Variants in KCNH5 observed in about 807,000 individuals in gnomAD.
The protein encoded by KCNH5 is voltage-gated delayed rectifier potassium channel KCNH5.
In KCNH5, 46 loss-of-function variants were observed where a neutral mutation model predicts 96.1. That is an observed-to-expected ratio of 0.48 (90% CI 0.38 to 0.61). The LOEUF (loss-of-function observed/expected upper bound fraction) is 0.61. Among genes scored for constraint, KCNH5 ranks in the 20% least tolerant of loss-of-function variants. The probability of loss-of-function intolerance (pLI) is 0.00; values close to 1 mark genes in which losing one functional copy is unlikely to be tolerated. For synonymous variants in KCNH5, 439 were observed against 449.8 expected (o/e 0.98, Z 0.30); for missense variants, 907 against 1,225.8 (o/e 0.74, Z 3.88).
At chr14:62,949,856 C>G in intron 7 of KCNH5, 1 of 214,038 alleles carries the variant, frequency 4.7e-6, no homozygotes, top group East Asian at 1.1e-4. Context: ...ATGGAATGTG[C>G]GAAACGCCAC....
chr14:62,914,169 C>A (rs960098534), intron 7 of KCNH5, among the ~76,000 whole-genome samples: 3 of 152,192 alleles, frequency 2.0e-5, no homozygotes, highest in African/African-American at 7.2e-5. Flanking sequence ...TAACCATATG[C>A]CTTCCACAAA....
intron 7 of KCNH5, among the ~76,000 whole-genome samples, chr14:62,876,711 G>A (rs963990344): frequency 6.6e-6 from 1 of 152,126 alleles, no homozygotes; most frequent in African/African-American, 2.4e-5. Context: ...AGACAACAGG[G>A]TATTGCCATA....
At chr14:62,873,685 A>G (rs577393058) in intron 7 of KCNH5, among the ~76,000 whole-genome samples, 2 of 152,340 alleles carry the variant, frequency 1.3e-5, no homozygotes, top group Non-Finnish European at 2.9e-5. Context: ...ACAATTCCCT[A>G]TCTGTTTATT....
intron 6 of KCNH5, among the ~76,000 whole-genome samples, chr14:62,965,082 G>T (rs1950979): frequency 0.44 from 67,012 of 151,738 alleles, 15,406 homozygotes; most frequent in Non-Finnish European, 0.49. Flanking sequence ...TATATATATA[G>T]AGAGAGAGAG....
At chr14:62,765,182 C>T (rs1203829976) in intron 10 of KCNH5, among the ~76,000 whole-genome samples, 1 of 152,110 alleles carries the variant, frequency 6.6e-6, no homozygotes, top group African/African-American at 2.4e-5. Flanking sequence ...GACACATAGA[C>T]CAATGGAACA....
At chr14:63,013,225 C>T (rs1891262201) in intron 2 of KCNH5, among the ~76,000 whole-genome samples, 1 of 151,992 alleles carries the variant, frequency 6.6e-6, no homozygotes, top group Non-Finnish European at 1.5e-5. Context: ...TAAAACAATT[C>T]ACTTTTGAAC....
chr14:62,976,570 A>G (rs1890504486), intron 6 of KCNH5, among the ~76,000 whole-genome samples: 1 of 152,186 alleles, frequency 6.6e-6, no homozygotes, highest in Non-Finnish European at 1.5e-5. Context: ...GAAAAGGACC[A>G]CCTAGTTAAC....
At chr14:63,015,141 G>A (rs916806852) in intron 2 of KCNH5, among the ~76,000 whole-genome samples, 2 of 152,052 alleles carry the variant, frequency 1.3e-5, no homozygotes, top group Non-Finnish European at 1.5e-5. Flanking sequence ...ATGGCTAGAG[G>A]AGCATAGATT....
At chr14:63,006,632 C>T (rs1891133756) in intron 2 of KCNH5, among the ~76,000 whole-genome samples, 160 bp from the exon 3 acceptor site, 2 of 152,198 alleles carry the variant, frequency 1.3e-5, no homozygotes, top group Non-Finnish European at 2.9e-5. Context: ...TCTTGCTTTA[C>T]ACAGTTCCTG....
chr14:62,990,795 C>T (rs1890794471), intron 4 of KCNH5, among the ~76,000 whole-genome samples: 1 of 152,058 alleles, frequency 6.6e-6, no homozygotes, highest in Admixed American at 6.6e-5. Flanking sequence ...AATTGACTCA[C>T]AGTTACACAT....
intron 2 of KCNH5, among the ~76,000 whole-genome samples, chr14:63,007,536 T>A (rs1470991498): frequency 6.6e-6 from 1 of 152,300 alleles, no homozygotes; most frequent in Non-Finnish European, 1.5e-5. Flanking sequence ...TCTCCCTGCA[T>A]TGATAACCAA....
At chr14:62,922,882 A>C (rs1487591841) in intron 7 of KCNH5, among the ~76,000 whole-genome samples, 1 of 151,944 alleles carries the variant, frequency 6.6e-6, no homozygotes, top group Non-Finnish European at 1.5e-5. Flanking sequence ...TAAGATCAGA[A>C]AAACAAGAAT....
At chr14:63,016,998 A>C (rs1172932142) in intron 1 of KCNH5, 44 bp from the exon 2 acceptor site, 1 of 1,570,988 alleles carries the variant, frequency 6.4e-7, no homozygotes, top group African/African-American at 1.4e-5. Context: ...AGCTTAATTC[A>C]ACAATGCACT....
At chr14:62,968,264 C>T (rs1221664208) in intron 6 of KCNH5, among the ~76,000 whole-genome samples, 1 of 152,234 alleles carries the variant, frequency 6.6e-6, no homozygotes, top group Non-Finnish European at 1.5e-5. Context: ...TCTCTTCCTT[C>T]ACCCTGACCC....
chr14:62,791,125 A>G (rs557334928), intron 9 of KCNH5, among the ~76,000 whole-genome samples: 1 of 151,786 alleles, frequency 6.6e-6, no homozygotes, highest in East Asian at 1.9e-4. Flanking sequence ...TCATATAGGA[A>G]ATGCTTAATG....
chr14:62,746,643 A>T (rs1885381907), intron 10 of KCNH5, among the ~76,000 whole-genome samples: 1 of 152,206 alleles, frequency 6.6e-6, no homozygotes, highest in Non-Finnish European at 1.5e-5. Flanking sequence ...TTAAAATGAC[A>T]GTTCTCTCTT....
rs1473296084 is a variant in KCNH5, at chr14:63,016,876, G to C, written c.152C>G (p.Ser51Cys). ...CATGACGTCAGCTCGATGATATCCA[G>C]AGAGTTTACAAAAACCGTCATTACT... Reference protein sequence around the residue: ...VYSNDGFCKLSGYHRADVMQK... With the variant: ...VYSNDGFCKLCGYHRADVMQK... The change falls in exon 2 of 11, where the codon TCT becomes TGT. Residue 51 changes from serine (S) to cysteine (C), a missense_variant. Physicochemically the swap from Ser to Cys is moderately radical, Grantham distance 112. Transcript: ENST00000322893. 9.9e-6 allele frequency: 16 copies of C among 1,611,826 alleles called. No individual in the cohort carries two copies. The highest frequency in any genetic ancestry group is 1.4e-5 in the Non-Finnish European group (16 of 1,178,608).
At chr14:62,773,822 T>A (rs754474602) in intron 10 of KCNH5, among the ~76,000 whole-genome samples, 2 of 152,230 alleles carry the variant, frequency 1.3e-5, no homozygotes, top group Non-Finnish European at 2.9e-5. Context: ...TGGACAAATA[T>A]AACACTTATT....
intron 7 of KCNH5, among the ~76,000 whole-genome samples, chr14:62,888,718 T>C (rs995863586): frequency 2.6e-5 from 4 of 152,174 alleles, no homozygotes; most frequent in Non-Finnish European, 4.4e-5. Context: ...CAAACCATAA[T>C]AATATCATTA....
Sources: gnomAD v4.1 joint callset for allele counts (sites outside exome capture counted in the v4.1 genomes callset) on GRCh38, gnomAD v4.1.1 for gene constraint, MANE v1.5 for transcripts, NCBI Gene and HGNC (gene_info 2026-07-23, HGNC 2026-07-21) for gene names.